The following PHF20 variants were observed in gnomAD, a reference collection of about 807,000 sequenced individuals.
The protein encoded by PHF20 is glioma-expressed antigen 2.
In PHF20, 23 loss-of-function variants were observed where a neutral mutation model predicts 113.5. That is an observed-to-expected ratio of 0.20 (90% CI 0.15 to 0.29). The LOEUF is 0.29. Ranked by LOEUF, PHF20 falls within the 10% of genes least tolerant of loss-of-function variation. The probability of loss-of-function intolerance (pLI) is 1.00; values close to 1 mark genes in which losing one functional copy is unlikely to be tolerated. For synonymous variants in PHF20, 434 were observed against 457.3 expected (o/e 0.95, Z 0.65); for missense variants, 943 against 1,219.6 (o/e 0.77, Z 3.38).
At chr20:35,930,243 A>G (rs1281385338) in intron 14 of PHF20, among the ~76,000 whole-genome samples, 1 of 152,240 alleles carries the variant, frequency 6.6e-6, no homozygotes, top group Non-Finnish European at 1.5e-5. Flanking sequence ...TCATTTGATA[A>G]GTCCATTCAA....
rs2054424126 is a variant in PHF20, at chr20:35,871,692, C to T, written c.1145C>T (p.Ala382Val). The T allele has an allele frequency of 6.2e-7, 1 of 1,613,548 alleles. No homozygotes were observed. Among genetic ancestry groups the T allele is most frequent in the African/African-American group, 1.3e-5 (1 of 74,886 alleles). The change falls in exon 9 of 18, where the codon GCA (alanine) becomes GTA (valine). Residue 382 changes from alanine (A) to valine (V), a missense_variant. Physicochemically the swap from Ala to Val is moderately conservative, Grantham distance 64. This residue lies in a region of PHF20 where 592 missense variants were observed against 787.2 expected (regional missense o/e 0.75). Coordinates refer to ENST00000374012, the MANE Select transcript of PHF20 (RefSeq NM_016436.5). ...SALEAGQVSS[A>V]LTCHSFGDGS... is the part of the protein sequence containing the mutation. ...TTGGAAGCTGGCCAGGTCTCATCTG[C>T]ACTGACTTGCCACTCCTTTGGGGAT...
At chr20:35,809,717 CAA>C (rs759390130) in intron 2 of PHF20, among the ~76,000 whole-genome samples, 20 of 126,472 alleles carry the variant, frequency 1.6e-4, no homozygotes, top group Admixed American at 2.5e-4. Context: ...GACCCTGTCT[CAA>C]AAAAAAAAAA....
intron 1 of PHF20, among the ~76,000 whole-genome samples, chr20:35,790,244 C>T (rs1202396856): frequency 4.0e-5 from 6 of 151,438 alleles, no homozygotes; most frequent in Non-Finnish European, 7.4e-5. Flanking sequence ...TCTGTCATCC[C>T]GGCTGGAGTG....
chr20:35,887,025 A>G (rs3827030), intron 9 of PHF20, among the ~76,000 whole-genome samples: 35,372 of 152,130 alleles, frequency 0.23, 4,612 homozygotes, highest in South Asian at 0.37. Flanking sequence ...CACCATCATC[A>G]TAATCTAATC....
intron 1 of PHF20, among the ~76,000 whole-genome samples, chr20:35,788,366 G>A (rs562596649): frequency 6.6e-6 from 1 of 152,174 alleles, no homozygotes; most frequent in African/African-American, 2.4e-5. Context: ...AAAGTGCTGG[G>A]ATTACAGGTG....
chr20:35,897,085 G>C (rs2055000035), intron 9 of PHF20, among the ~76,000 whole-genome samples: 1 of 152,142 alleles, frequency 6.6e-6, no homozygotes, highest in Non-Finnish European at 1.5e-5. Context: ...CCAGGCTGGA[G>C]TGCAGTGGTA....
chr20:35,870,161 G>C (rs547342089), intron 7 of PHF20, among the ~76,000 whole-genome samples: 1 of 151,934 alleles, frequency 6.6e-6, no homozygotes, highest in Non-Finnish European at 1.5e-5. Context: ...AAAATTAGCC[G>C]GGTGTTGTGG....
chr20:35,895,284 A>G (rs943229290), intron 9 of PHF20, among the ~76,000 whole-genome samples: 1 of 152,112 alleles, frequency 6.6e-6, no homozygotes, highest in African/African-American at 2.4e-5. Flanking sequence ...TCAGCCTCTC[A>G]AAGTGCTGGG....
In PHF20 at chr20:35,871,064, G is replaced by A; in HGVS notation, c.1032G>A (p.Leu344=). ...NGTHEILDPD[L]VVSDLVDTDP... ...CCCATGAGATCCTAGATCCTGACTT[G>A]GTTGTATCAGATTTGGTTGATACGG... The change falls in exon 8 of 18, where the codon TTG becomes TTA. Residue 344 remains leucine (L), a synonymous_variant. Coordinates refer to ENST00000374012, the MANE Select transcript of PHF20 (RefSeq NM_016436.5). 1 of 1,613,320 alleles carries A rather than the reference G, an allele frequency of 6.2e-7. No homozygotes were observed. Among genetic ancestry groups the A allele is most frequent in the Non-Finnish European group, 8.5e-7 (1 of 1,179,810 alleles).
chr20:35,780,428 A>G (rs2041268097), intron 1 of PHF20, among the ~76,000 whole-genome samples: 1 of 151,110 alleles, frequency 6.6e-6, no homozygotes, highest in Non-Finnish European at 1.5e-5. Context: ...GGGTTTCGCC[A>G]TGTTAGCCAG....
chr20:35,927,858 T>C lies in PHF20; in HGVS notation c.2083T>C (p.Tyr695His), dbSNP rs1168644707. 1 of 1,613,506 alleles carries C rather than the reference T, an allele frequency of 6.2e-7. No individual in the cohort carries two copies. Among genetic ancestry groups the C allele is most frequent in the East Asian group, 2.2e-5 (1 of 44,886 alleles). ...AAATGTGCCCGAGAAATACACCTGT[T>C]ATGTTTGCCAAGACCCTCCAGGTAG... is the stretch of plus-strand genomic sequence containing the variant. ...EENVPEKYTC[Y>H]VCQDPPGQRP... Residue 695 changes from tyrosine to histidine, a missense_variant, in exon 14 of 18, where the codon TAT becomes CAT. Physicochemically the swap from Tyr to His is moderately conservative, Grantham distance 83. Coordinates refer to ENST00000374012, the MANE Select transcript of PHF20 (RefSeq NM_016436.5).
intron 13 of PHF20, among the ~76,000 whole-genome samples, chr20:35,921,762 TAA>T (rs1441398500): frequency 6.6e-6 from 1 of 151,412 alleles, no homozygotes; most frequent in East Asian, 1.9e-4. Context: ...AGATTTTTTT[TAA>T]GTTTGTTTTT....
At position 35,938,805 on chromosome 20, in the gene PHF20, G is replaced by T; in HGVS notation, c.2409G>T (p.Lys803Asn). The T allele has an allele frequency of 6.2e-7, 1 of 1,614,226 alleles. No individual in the cohort carries two copies. Among genetic ancestry groups the T allele is most frequent in the Non-Finnish European group, 8.5e-7 (1 of 1,180,032 alleles). Residue 803 changes from lysine to asparagine, a missense_variant, in exon 16 of 18, where the codon AAG becomes AAT. Lys to Asn is a moderately conservative substitution (Grantham distance 94, BLOSUM62 0). Around this residue, in one of 3 missense-constraint regions of PHF20, gnomAD observed 349 missense variants for 412.3 expected, o/e 0.85. Coordinates refer to ENST00000374012, the MANE Select transcript of PHF20 (RefSeq NM_016436.5). ...TCCCTGTCACTGACACCAGGAGCAA[G>T]GAGGAAGCTCCAAGCTATAGAACTT... ...RNIPVTDTRS[K>N]EEAPSYRTLN...
intron 13 of PHF20, among the ~76,000 whole-genome samples, chr20:35,921,833 C>T (rs761518109): frequency 1.4e-4 from 21 of 152,092 alleles, no homozygotes; most frequent in Non-Finnish European, 2.5e-4. Context: ...ATGCTCAGTT[C>T]CAGGCCTTGT....
chr20:35,781,870 G>A (rs1465319022), intron 1 of PHF20, among the ~76,000 whole-genome samples: 6 of 152,210 alleles, frequency 3.9e-5, no homozygotes, highest in African/African-American at 1.2e-4. Context: ...GTTTGAACGC[G>A]GGGGCGGGTG....
At chr20:35,913,199 C>G (rs2055339856) in intron 10 of PHF20, 50 bp from the exon 11 acceptor site, 1 of 1,356,654 alleles carries the variant, frequency 7.4e-7, no homozygotes, top group African/African-American at 1.4e-5. Flanking sequence ...ATAAGCACCC[C>G]AGCATTGAAA....
chr20:35,919,803 A>G (rs938343223), intron 13 of PHF20, among the ~76,000 whole-genome samples: 31 of 152,184 alleles, frequency 2.0e-4, no homozygotes, highest in African/African-American at 7.2e-4. Flanking sequence ...GGCTTTTAGA[A>G]AACACTTTTA....
chr20:35,903,077 CT>C (rs376888832), intron 10 of PHF20, among the ~76,000 whole-genome samples: 68 of 59,998 alleles, frequency 1.1e-3, no homozygotes, highest in Middle Eastern at 0.011. Context: ...CCTATCCTTT[CT>C]TTTTTTTTTT....
At chr20:35,772,406 G>A (rs1385448329) in intron 1 of PHF20, among the ~76,000 whole-genome samples, 1 of 152,166 alleles carries the variant, frequency 6.6e-6, no homozygotes, top group South Asian at 2.1e-4. Flanking sequence ...GGGGGTGCGG[G>A]TAAGCCCTAG....
Sources: gnomAD v4.1 joint callset for allele counts (sites outside exome capture counted in the v4.1 genomes callset) on GRCh38, gnomAD v4.1.1 for gene constraint, gnomAD v4.1.1 regional missense constraint, MANE v1.5 for transcripts, NCBI Gene and HGNC (gene_info 2026-07-23, HGNC 2026-07-21) for gene names.